Variants in TAPBP observed in about 807,000 individuals in gnomAD.
TAPBP encodes the protein tapasin.
In TAPBP, 38 loss-of-function variants were observed where a neutral mutation model predicts 45.7. The observed-to-expected ratio is 0.83, with a 90% CI of 0.64 to 1.09. TAPBP has a LOEUF of 1.09. Ranked by LOEUF, TAPBP falls within the 50% of genes least tolerant of loss-of-function variation. The pLI, the probability that TAPBP is intolerant of heterozygous loss-of-function variation, is 0.00. For synonymous variants in TAPBP, 226 were observed against 254.8 expected (o/e 0.89, Z 1.08); for missense variants, 513 against 587.3 (o/e 0.87, Z 1.31).
At position 33,305,488 on chromosome 6, in the gene TAPBP, GTTTACCCACCCCTCA is replaced by G. The variant is rs1768918436; in HGVS notation, c.470-116_470-102del. The stretch of plus-strand genomic sequence containing the variant: ...AGTTATTGGGGAGGGCTAAACTGCA[GTTTACCCACCCCTCA>G]GAGGACACCTTTTCTGATACTCACC... On this transcript the variant is annotated intron_variant, in intron 3 of 7. Transcript: ENST00000434618. The surrounding 1 kb of genome is among the most constrained non-coding windows in gnomAD (Gnocchi z 4.4). 1 of 1,275,152 alleles carries G rather than the reference GTTTACCCACCCCTCA, an allele frequency of 7.8e-7. No homozygotes were observed. The highest frequency in any genetic ancestry group is 2.5e-5 in the East Asian group (1 of 39,554). 79.0% of individuals were successfully genotyped at this position (1,275,152 alleles called of 1,614,324 possible).
intron 7 of TAPBP, 50 bp downstream of exon 7, chr6:33,303,905 T>A (rs1343030905): frequency 1.2e-6 from 2 of 1,613,822 alleles, no homozygotes; most frequent in South Asian, 2.2e-5. Flanking sequence ...TGAGATAGGA[T>A]GAGGAGATAA....
intron 3 of TAPBP, among the ~76,000 whole-genome samples, chr6:33,312,553 C>T (rs1339275768): frequency 1.3e-5 from 2 of 152,220 alleles, no homozygotes; most frequent in African/African-American, 4.8e-5. Flanking sequence ...AAGCTTCTGA[C>T]TCCTGGGCCT....
At chr6:33,304,869 C>T in intron 4 of TAPBP, 120 bp downstream of exon 4, 1 of 1,468,928 alleles carries the variant, frequency 6.8e-7, no homozygotes, top group Non-Finnish European at 9.2e-7. Context: ...TCCCAGGAAC[C>T]TCTTTCTATC....
chr6:33,302,998 G>A (rs1297150257), intron 7 of TAPBP, among the ~76,000 whole-genome samples: 1 of 152,162 alleles, frequency 6.6e-6, no homozygotes, highest in Non-Finnish European at 1.5e-5. Flanking sequence ...TACAGGTTGA[G>A]CATCGCCGAT....
At position 33,301,750 on chromosome 6, in the gene TAPBP, G is replaced by A; in HGVS notation, c.*10C>T. ...TGATGGTGGCTTCCACAGGATGGCA[G>A]TGAGTGCCCTCACTCTGCTTTCTGG... On this transcript the variant is annotated 3_prime_UTR_variant, in exon 8 of 8. Coordinates refer to ENST00000434618, the MANE Select transcript of TAPBP (RefSeq NM_003190.5). 1 of 1,613,728 alleles carries A rather than the reference G, an allele frequency of 6.2e-7. No individual in the cohort carries two copies. Among genetic ancestry groups the A allele is most frequent in the Non-Finnish European group, 8.5e-7 (1 of 1,179,644 alleles).
Position 33,304,151 on chromosome 6 carries a change from AG to A in TAPBP, c.1276del (p.Leu426SerfsTer48). The stretch of plus-strand genomic sequence containing the variant: ...ACCAGCCCAGCCCAGTGCCTTGAAG[AG>A]CCCAAGCAGAAGAAAGGCAGACAGG... ...LFLSAFLLLG[L>X]FKALGWAAVY... On this transcript the variant is annotated frameshift_variant, in exon 6 of 8. Coordinates refer to ENST00000434618, the MANE Select transcript of TAPBP (RefSeq NM_003190.5). LOFTEE classifies it high-confidence loss of function. 2 of 1,613,382 alleles carry A rather than the reference AG, an allele frequency of 1.2e-6. No homozygotes were observed. Among genetic ancestry groups the A allele is most frequent in the Non-Finnish European group, 1.7e-6 (2 of 1,179,858 alleles).
chr6:33,303,483 C>A, intron 7 of TAPBP: 1 of 446,140 alleles, frequency 2.2e-6, no homozygotes, highest in Non-Finnish European at 4.0e-6. Context: ...TAAATGATTT[C>A]TGTGTTTAGA....
Position 33,303,724 on chromosome 6 carries a change from G to A in TAPBP, c.1335+231C>T, listed in dbSNP as rs112919359. 5.3e-5 allele frequency: 82 copies of A among 1,545,732 alleles called. 2 individuals carry two copies. In the African/African-American group the frequency reaches 8.5e-4, roughly 16 times the overall value. On this transcript the variant is annotated intron_variant, in intron 7 of 7. Transcript: ENST00000434618. The stretch of plus-strand genomic sequence containing the variant: ...GCTTGCATTATCTTTCTATTGGACA[G>A]CACTGCCTAAGTAACTTTTTAAAAT...
At position 33,304,647 on chromosome 6, in the gene TAPBP, A is replaced by G; in HGVS notation, c.869-9T>C. 1 of 1,554,042 alleles carries G rather than the reference A, an allele frequency of 6.4e-7. No individual in the cohort carries two copies. On this transcript the variant is annotated splice_polypyrimidine_tract_variant and intron_variant, in intron 4 of 7. Transcript: ENST00000434618. ...GGACACTTTGGGGGGTTCTGGGGAA[A>G]GAGGACGAAATGAGCATAGGGAAAT...
At chr6:33,309,254 A>G (rs1769174873) in intron 3 of TAPBP, among the ~76,000 whole-genome samples, 1 of 152,022 alleles carries the variant, frequency 6.6e-6, no homozygotes, top group African/African-American at 2.4e-5. Context: ...GCATGGTGGC[A>G]CACGCCTGTA....
At chr6:33,303,790 A>G (rs1390353993) in intron 7 of TAPBP, 165 bp downstream of exon 7, 1 of 1,559,102 alleles carries the variant, frequency 6.4e-7, no homozygotes, top group Admixed American at 1.9e-5. Context: ...TAGCATGCTC[A>G]AAGAGTCCTA....
chr6:33,304,998 C>T lies in TAPBP; in HGVS notation c.859G>A (p.Ala287Thr), dbSNP rs1046677566. Reference sequence around the variant, plus strand: ...CTGTCCCCCAACTCACTGTACACAGCAAGCTCCAGGGTGACCTGTCCTTGC... The same window carrying T: ...CTGTCCCCCAACTCACTGTACACAGTAAGCTCCAGGGTGACCTGTCCTTGC... ...YLQGQVTLEL[A>T]VYKPPKVSLM... Residue 287 changes from alanine (A) to threonine (T), a missense_variant, in exon 4 of 8, where the codon GCT becomes ACT. Transcript: ENST00000434618. 6.2e-7 allele frequency: 1 copy of T among 1,614,058 alleles called. No homozygotes were observed. Among genetic ancestry groups the T allele is most frequent in the Admixed American group, 1.7e-5 (1 of 60,018 alleles).
chr6:33,301,753 AGT>A lies in TAPBP; in HGVS notation c.*5_*6del, dbSNP rs1299737442. ...TGGTGGCTTCCACAGGATGGCAGTG[AGT>A]GCCCTCACTCTGCTTTCTGGAAGAG... On this transcript the variant is annotated 3_prime_UTR_variant, in exon 8 of 8. Transcript: ENST00000434618. 6.2e-7 allele frequency: 1 copy of A among 1,613,716 alleles called. No individual in the cohort carries two copies. Among genetic ancestry groups the A allele is most frequent in the Admixed American group, 1.7e-5 (1 of 59,984 alleles).
At position 33,304,644 on chromosome 6, in the gene TAPBP, G is replaced by A. The variant is rs775083217; in HGVS notation, c.869-6C>T. 4.5e-6 allele frequency: 7 copies of A among 1,554,176 alleles called. No homozygotes were observed. In the South Asian group the frequency reaches 8.2e-5, roughly 18 times the overall value. ...CAGGGACACTTTGGGGGGTTCTGGG[G>A]AAAGAGGACGAAATGAGCATAGGGA... is the stretch of plus-strand genomic sequence containing the variant. On this transcript the variant is annotated splice_polypyrimidine_tract_variant and splice_region_variant and intron_variant, in intron 4 of 7. Transcript: ENST00000434618.
intron 3 of TAPBP, among the ~76,000 whole-genome samples, chr6:33,312,621 T>G (rs1769428907): frequency 6.6e-6 from 1 of 152,178 alleles, no homozygotes; most frequent in African/African-American, 2.4e-5. Context: ...GCCGCGTCCA[T>G]CCGCCCACTC....
chr6:33,307,805 C>T (rs1769075066), intron 3 of TAPBP, among the ~76,000 whole-genome samples: 1 of 152,136 alleles, frequency 6.6e-6, no homozygotes, highest in Non-Finnish European at 1.5e-5. Flanking sequence ...TTAAAACCTA[C>T]AACCTATGGT....
rs1021537791 is a variant in TAPBP, at chr6:33,304,745, T to C, written c.869-107A>G. 2.9e-6 allele frequency: 4 copies of C among 1,370,094 alleles called. No homozygotes were observed. The African/African-American group carries it at 4.4e-5, about 15-fold the overall frequency. 84.9% of individuals were successfully genotyped at this position (1,370,094 alleles called of 1,614,324 possible). A position where few individuals can be genotyped will look rare whatever the true frequency, so the allele number is the denominator to read the frequency against. ...TCCTCAGAACTAAAGAAGGTTAGGTTTCTTCTCCTGAAATAGGGAACCCAC... is the reference window on the plus strand; with the variant it reads ...TCCTCAGAACTAAAGAAGGTTAGGTCTCTTCTCCTGAAATAGGGAACCCAC... On this transcript the variant is annotated intron_variant, in intron 4 of 7. Coordinates refer to ENST00000434618, the MANE Select transcript of TAPBP (RefSeq NM_003190.5).
At chr6:33,307,394 CTTTTTTTTTTT>C (rs9280398) in intron 3 of TAPBP, among the ~76,000 whole-genome samples, 2 of 88,740 alleles carry the variant, frequency 2.3e-5, no homozygotes, top group African/African-American at 9.6e-5. Context: ...AGCCCTGCTT[CTTTTTTTTTTT>C]TTTTTTTTTT....
rs1292547284 is a variant in TAPBP at position 33,301,169 on chromosome 6, C to T, written c.*591G>A. 2.0e-5 allele frequency: 3 copies of T among 152,452 alleles called. No individual in the cohort carries two copies. The highest frequency in any genetic ancestry group is 4.1e-4 in the South Asian group (2 of 4,846). The allele number at this position is 152,452 out of a possible 1,614,324, so 9.4% of individuals were successfully genotyped here. ...TAGCTATAACCCACATACCCAAAAG[C>T]TTTTTGGGGTCCTTGATGATTTTTA... On this transcript the variant is annotated 3_prime_UTR_variant, in exon 8 of 8. Coordinates refer to ENST00000434618, the MANE Select transcript of TAPBP (RefSeq NM_003190.5).
Sources: gnomAD v4.1 joint callset for allele counts (sites outside exome capture counted in the v4.1 genomes callset) on GRCh38, gnomAD v4.1.1 for gene constraint, Gnocchi (gnomAD v3.1) non-coding constraint, MANE v1.5 for transcripts, NCBI Gene and HGNC (gene_info 2026-07-23, HGNC 2026-07-21) for gene names.